Variants in IPCEF1 observed in about 807,000 individuals in gnomAD.
The protein encoded by IPCEF1 is interaction protein for cytohesin exchange factors 1.
Under a neutral mutation model 50.9 loss-of-function variants are expected in IPCEF1, and 31 were observed. The ratio of observed to expected loss-of-function variants is 0.61; its 90% CI spans 0.46 to 0.82. The LOEUF (loss-of-function observed/expected upper bound fraction) is 0.82. Among genes scored for constraint, IPCEF1 ranks in the 40% least tolerant of loss-of-function variants. IPCEF1 has a pLI of 0.00. For synonymous variants in IPCEF1, 181 were observed against 192.0 expected, an observed-to-expected ratio of 0.94 and a Z score of 0.47; for missense variants, 458 against 514.0, an observed-to-expected ratio of 0.89 and a Z score of 1.05.
chr6:154,336,647 A>G (rs981175412), intron 1 of IPCEF1, among the ~76,000 whole-genome samples: 7 of 152,114 alleles, frequency 4.6e-5, no homozygotes, highest in African/African-American at 1.7e-4. Flanking sequence ...TCTGTTACCC[A>G]GGCTGAAGTG....
At chr6:154,234,409 G>C (rs1166916325) in intron 5 of IPCEF1, among the ~76,000 whole-genome samples, 1 of 152,024 alleles carries the variant, frequency 6.6e-6, no homozygotes, top group East Asian at 1.9e-4. Context: ...GTATCTCCTG[G>C]ATCACTTCTC....
intron 10 of IPCEF1, among the ~76,000 whole-genome samples, chr6:154,199,147 G>A (rs1353259798): frequency 1.3e-5 from 2 of 152,154 alleles, no homozygotes; most frequent in Non-Finnish European, 2.9e-5. Context: ...ATATGTAAAG[G>A]TTCTAATGCT....
chr6:154,340,881 T>C (rs1783898919), intron 1 of IPCEF1, among the ~76,000 whole-genome samples: 1 of 134,612 alleles, frequency 7.4e-6, no homozygotes. Context: ...CAAAACTCCG[T>C]CTCAAAAAAA....
chr6:154,252,326 T>C (rs1042356791), intron 3 of IPCEF1, among the ~76,000 whole-genome samples: 28 of 151,992 alleles, frequency 1.8e-4, no homozygotes, highest in Admixed American at 1.2e-3. Context: ...GAGGGAGGAA[T>C]ACAAGAGAAA....
At chr6:154,328,633 C>T (rs1783581477) in intron 1 of IPCEF1, among the ~76,000 whole-genome samples, 1 of 151,764 alleles carries the variant, frequency 6.6e-6, no homozygotes, top group African/African-American at 2.4e-5. Context: ...CAATGGAGAA[C>T]TTTTTTTGCT....
At chr6:154,213,681 C>T (rs978870585) in intron 8 of IPCEF1, among the ~76,000 whole-genome samples, 1 of 152,196 alleles carries the variant, frequency 6.6e-6, no homozygotes, top group South Asian at 2.1e-4. Context: ...CTCTTCTCAA[C>T]ACTAAGGTGT....
chr6:154,234,600 C>T (rs1779972711), intron 5 of IPCEF1, among the ~76,000 whole-genome samples: 1 of 152,192 alleles, frequency 6.6e-6, no homozygotes, highest in Admixed American at 6.5e-5. Flanking sequence ...CTCTCACTAT[C>T]ACATTACGTC....
intron 2 of IPCEF1, among the ~76,000 whole-genome samples, chr6:154,277,317 G>A (rs912439890): frequency 5.3e-5 from 8 of 152,194 alleles, no homozygotes; most frequent in Non-Finnish European, 1.0e-4. Flanking sequence ...AGGAAGAACT[G>A]TTAAATTAAA....
chr6:154,329,338 G>T (rs1490672610), intron 1 of IPCEF1, among the ~76,000 whole-genome samples: 1 of 152,226 alleles, frequency 6.6e-6, no homozygotes, highest in African/African-American at 2.4e-5. Context: ...GCTTACACTT[G>T]TAATATCAAC....
intron 2 of IPCEF1, among the ~76,000 whole-genome samples, chr6:154,282,040 A>G (rs1782226421): frequency 6.6e-6 from 1 of 152,084 alleles, no homozygotes; most frequent in South Asian, 2.1e-4. Context: ...ATGATGGCAC[A>G]TGTCTGTAAT....
At position 154,168,241 on chromosome 6, in the gene IPCEF1, G is replaced by A. The variant is rs1799592867; in HGVS notation, c.911-128C>T. On this transcript the variant is annotated intron_variant, in intron 10 of 11. Transcript: ENST00000367220. The surrounding 1 kb of genome is among the most constrained non-coding windows in gnomAD (Gnocchi z 4.1). ...TCATCTCAGACTTCTCTCCGGAACTGAAAGACAATAAATGTTTGCTGTCTA... is the reference window on the plus strand; with the variant it reads ...TCATCTCAGACTTCTCTCCGGAACTAAAAGACAATAAATGTTTGCTGTCTA... 6.1e-6 allele frequency: 4 copies of A among 650,812 alleles called. No individual in the cohort carries two copies. The highest frequency in any genetic ancestry group is 1.0e-5 in the Non-Finnish European group (4 of 401,300). 40.3% of individuals were successfully genotyped at this position (650,812 alleles called of 1,614,324 possible).
intron 3 of IPCEF1, among the ~76,000 whole-genome samples, chr6:154,255,578 G>A (rs745754621): frequency 2.0e-5 from 3 of 152,148 alleles, no homozygotes; most frequent in Admixed American, 6.5e-5. Context: ...CTTTTCTCAA[G>A]CATGGAAAAT....
chr6:154,316,920 T>C (rs1783234456), intron 1 of IPCEF1, among the ~76,000 whole-genome samples: 1 of 152,144 alleles, frequency 6.6e-6, no homozygotes, highest in Non-Finnish European at 1.5e-5. Flanking sequence ...ATAATAATAA[T>C]ACTGCTGGAA....
At chr6:154,285,966 A>C (rs1782349838) in intron 2 of IPCEF1, among the ~76,000 whole-genome samples, 1 of 152,216 alleles carries the variant, frequency 6.6e-6, no homozygotes, top group Non-Finnish European at 1.5e-5. Context: ...ATATAACCTG[A>C]TGTTCAAATG....
chr6:154,191,477 C>A (rs934334200), intron 10 of IPCEF1, among the ~76,000 whole-genome samples: 1 of 151,976 alleles, frequency 6.6e-6, no homozygotes, highest in African/African-American at 2.4e-5. Flanking sequence ...GGTTTGAGAC[C>A]AACCTGGACA....
At chr6:154,213,184 G>T (rs549594772) in intron 8 of IPCEF1, 2 of 273,258 alleles carry the variant, frequency 7.3e-6, no homozygotes, top group African/African-American at 2.2e-5. Context: ...AATTTTGATT[G>T]TAGGAATCCT....
At chr6:154,194,593 C>T (rs1237588729) in intron 10 of IPCEF1, among the ~76,000 whole-genome samples, 1 of 152,178 alleles carries the variant, frequency 6.6e-6, no homozygotes, top group Non-Finnish European at 1.5e-5. Context: ...CTCTAGATTA[C>T]ACTTGTCACC....
chr6:154,238,383 G>C (rs958608144), intron 5 of IPCEF1, among the ~76,000 whole-genome samples: 4 of 152,056 alleles, frequency 2.6e-5, no homozygotes, highest in Admixed American at 6.5e-5. Context: ...ACTCTCCCAA[G>C]TAGCTGGAAT....
chr6:154,270,189 T>C (rs1409556573), intron 2 of IPCEF1, among the ~76,000 whole-genome samples: 1 of 152,218 alleles, frequency 6.6e-6, no homozygotes, highest in Non-Finnish European at 1.5e-5. Context: ...AAAACACTTT[T>C]GTATATCAAG....
Sources: allele counts gnomAD v4.1 joint callset (sites outside exome capture counted in the v4.1 genomes callset), GRCh38; gene constraint gnomAD v4.1.1; non-coding constraint Gnocchi (gnomAD v3.1); transcripts MANE v1.5; gene names NCBI Gene and HGNC (gene_info 2026-07-23, HGNC 2026-07-21).